IMPA1: variants seen among roughly 807,000 people sequenced by gnomAD.
IMPA1 encodes inositol monophosphatase 1.
In IMPA1, 21 loss-of-function variants were observed where a neutral mutation model predicts 34.9. That is an observed-to-expected ratio of 0.60 (90% CI 0.43 to 0.87). The LOEUF is 0.87. Among genes scored for constraint, IMPA1 ranks in the 40% least tolerant of loss-of-function variants. IMPA1 has a pLI of 0.00. For missense variants in IMPA1, 299 were observed against 336.4 expected, an observed-to-expected ratio of 0.89 and a Z score of 0.87; for synonymous variants, 95 against 104.4, an observed-to-expected ratio of 0.91 and a Z score of 0.55.
At chr8:81,686,151 C>T in intron 1 of IMPA1, 101 bp downstream of exon 1, 1 of 892,536 alleles carries the variant, frequency 1.1e-6, no homozygotes, top group Non-Finnish European at 1.4e-6. Context: ...GCCGACCGCG[C>T]ACGGCGCTCG....
Position 81,670,886 on chromosome 8 carries a change from T to G in IMPA1, c.566+53A>C, listed in dbSNP as rs80087492. ...TGGTACAGGAAAAAAAAAAGGTGTG[T>G]GCACACACACACGTATACAAAGAGA... On this transcript the variant is annotated intron_variant, in intron 7 of 8. Coordinates refer to ENST00000256108, the MANE Select transcript of IMPA1 (RefSeq NM_005536.4). The G allele has an allele frequency of 4.6e-6, 4 of 867,548 alleles. No individual in the cohort carries two copies. In the African/African-American group the frequency reaches 7.2e-5, roughly 16 times the overall value. The allele number at this position is 867,548 out of a possible 1,614,324, so 53.7% of individuals were successfully genotyped here. A position where few individuals can be genotyped will look rare whatever the true frequency, so the allele number is the denominator to read the frequency against.
In IMPA1 at chr8:81,657,553, T is replaced by C. The variant is rs1206274255; in HGVS notation, c.*1798A>G. Among the ~76,000 whole-genome samples, 3 of 152,028 alleles carry C rather than the reference T, an allele frequency of 2.0e-5. No individual in the cohort carries two copies. Among genetic ancestry groups the C allele is most frequent in the African/African-American group, 4.8e-5 (2 of 41,382 alleles). The stretch of plus-strand genomic sequence containing the variant: ...TGGTGATCATGCCACTGCATTACTG[T>C]TTGAGCAGAAGAGCAAGACACTGTC... On this transcript the variant is annotated 3_prime_UTR_variant, in exon 9 of 9. Transcript: ENST00000256108.
At chr8:81,684,966 T>C (rs983924864) in intron 1 of IMPA1, among the ~76,000 whole-genome samples, 2 of 128,884 alleles carry the variant, frequency 1.6e-5, no homozygotes, top group Non-Finnish European at 3.2e-5. Context: ...ATACTATGTA[T>C]AGTATATATA....
intron 3 of IMPA1, among the ~76,000 whole-genome samples, chr8:81,679,808 C>T (rs1354351048): frequency 1.3e-5 from 2 of 151,830 alleles, no homozygotes; most frequent in African/African-American, 4.8e-5. Flanking sequence ...CACACATTTG[C>T]GGCAGATAAG....
At chr8:81,684,318 A>G (rs543852549) in intron 1 of IMPA1, among the ~76,000 whole-genome samples, 93 of 145,914 alleles carry the variant, frequency 6.4e-4, no homozygotes, top group Non-Finnish European at 1.2e-3. Context: ...TATACCATAC[A>G]TAAGTATATT....
At chr8:81,673,105 T>C (rs1325898550) in intron 6 of IMPA1, among the ~76,000 whole-genome samples, 1 of 152,220 alleles carries the variant, frequency 6.6e-6, no homozygotes, top group South Asian at 2.1e-4. Context: ...AGGAAATTCC[T>C]TGTGGACCTC....
At chr8:81,684,461 A>G (rs1236851661) in intron 1 of IMPA1, among the ~76,000 whole-genome samples, 2 of 143,590 alleles carry the variant, frequency 1.4e-5, no homozygotes, top group Non-Finnish European at 3.0e-5. Flanking sequence ...TATATAGTAT[A>G]CTACACACAG....
At chr8:81,661,109 T>C (rs138624692) in intron 7 of IMPA1, among the ~76,000 whole-genome samples, 39 of 152,296 alleles carry the variant, frequency 2.6e-4, no homozygotes, top group African/African-American at 9.1e-4. Flanking sequence ...TACATGTGCC[T>C]AAAGCAACAA....
intron 6 of IMPA1, 97 bp from the exon 7 acceptor site, chr8:81,671,144 T>C: frequency 1.9e-6 from 1 of 533,146 alleles, no homozygotes; most frequent in Non-Finnish European, 3.3e-6. Flanking sequence ...TTCCTTGTTT[T>C]ATCGTGTTTC....
chr8:81,671,185 T>G (rs1806979300), intron 6 of IMPA1, 138 bp from the exon 7 acceptor site: 5 of 476,268 alleles, frequency 1.0e-5, no homozygotes, highest in Non-Finnish European at 1.8e-5. Flanking sequence ...AAAATACTGA[T>G]AAATTAATTA....
intron 1 of IMPA1, chr8:81,685,899 C>T: frequency 6.5e-7 from 1 of 1,546,138 alleles, no homozygotes; most frequent in Non-Finnish European, 8.7e-7. Flanking sequence ...CAGCACAGGA[C>T]CTGGGCGCTG....
chr8:81,663,947 G>A (rs1163904390), intron 7 of IMPA1, among the ~76,000 whole-genome samples: 1 of 152,090 alleles, frequency 6.6e-6, no homozygotes, highest in African/African-American at 2.4e-5. Flanking sequence ...ACAAAGGCAG[G>A]AGAATCACTT....
At chr8:81,685,284 TAGTA>T (rs1563593302) in intron 1 of IMPA1, among the ~76,000 whole-genome samples, 39 of 134,960 alleles carry the variant, frequency 2.9e-4, no homozygotes, top group African/African-American at 9.7e-4. Flanking sequence ...ATAGTATATA[TAGTA>T]TATATACTAT....
chr8:81,659,669 A>C (rs1233305587), intron 8 of IMPA1, among the ~76,000 whole-genome samples: 1 of 152,226 alleles, frequency 6.6e-6, no homozygotes, highest in Non-Finnish European at 1.5e-5. Flanking sequence ...GTAAATAATG[A>C]AGTCATACCA....
At chr8:81,676,563 G>C (rs535882189) in intron 4 of IMPA1, among the ~76,000 whole-genome samples, 5 of 152,304 alleles carry the variant, frequency 3.3e-5, no homozygotes, top group African/African-American at 9.6e-5. Context: ...GGATTCACGA[G>C]AAACTTGTAA....
At position 81,659,568 on chromosome 8, in the gene IMPA1, C is replaced by T. The variant is rs987759628; in HGVS notation, c.719-102G>A. 3 of 668,326 alleles carry T rather than the reference C, an allele frequency of 4.5e-6. No individual in the cohort carries two copies. In the Admixed American group the frequency reaches 8.3e-5, roughly 19 times the overall value. 41.4% of individuals were successfully genotyped at this position (668,326 alleles called of 1,614,324 possible). A position where few individuals can be genotyped will look rare whatever the true frequency, so the allele number is the denominator to read the frequency against. On this transcript the variant is annotated intron_variant, in intron 8 of 8. Transcript: ENST00000256108. Reference sequence around the variant, plus strand: ...ACTATGGTCACATAACATTTTAATACTTTCAGTTTTCTTAAACAAAAATCT... The same window carrying T: ...ACTATGGTCACATAACATTTTAATATTTTCAGTTTTCTTAAACAAAAATCT...
chr8:81,677,871 T>G (rs961272195), intron 4 of IMPA1, among the ~76,000 whole-genome samples: 2 of 152,208 alleles, frequency 1.3e-5, no homozygotes, highest in Non-Finnish European at 2.9e-5. Context: ...ACTTCAAATA[T>G]GACATCTATA....
rs1554586952 is a variant in IMPA1 at position 81,685,300 on chromosome 8, C to CATAGTATATTTATGTACTATACAT, written c.-25+928_-25+951dup. Among the ~76,000 whole-genome samples, 162 of 132,286 alleles carry CATAGTATATTTATGTACTATACAT rather than the reference C, an allele frequency of 1.2e-3. 1 individual carries two copies. The highest frequency in any genetic ancestry group is 4.3e-3 in the African/African-American group (150 of 34,856). 86.8% of individuals were successfully genotyped at this position (132,286 alleles called of 152,430 possible). A position where few individuals can be genotyped will look rare whatever the true frequency, so the allele number is the denominator to read the frequency against. Reference sequence around the variant, plus strand: ...TAGTATATATAGTATATATACTATACATAGTATATTTATGTACTATACATA... The same window carrying CATAGTATATTTATGTACTATACAT: ...TAGTATATATAGTATATATACTATACATAGTATATTTATGTACTATACATATAGTATATTTATGTACTATACATA... On this transcript the variant is annotated intron_variant, in intron 1 of 8. Coordinates refer to ENST00000256108, the MANE Select transcript of IMPA1 (RefSeq NM_005536.4).
intron 1 of IMPA1, chr8:81,685,972 A>T: frequency 6.8e-7 from 1 of 1,473,944 alleles, no homozygotes; most frequent in South Asian, 1.3e-5. Context: ...AGCTTTTCGG[A>T]GTTGGGGACA....
Sources: allele counts gnomAD v4.1 joint callset (sites outside exome capture counted in the v4.1 genomes callset), GRCh38; gene constraint gnomAD v4.1.1; transcripts MANE v1.5; gene names NCBI Gene and HGNC (gene_info 2026-07-23, HGNC 2026-07-21).